Variants in IQCH observed in about 807,000 individuals in gnomAD.
IQCH encodes IQ domain-containing protein H.
IQCH carries 98 observed loss-of-function variants against 117.0 expected under a neutral mutation model. The observed-to-expected ratio is 0.84, with a 90% CI of 0.71 to 0.99. The LOEUF (loss-of-function observed/expected upper bound fraction) is 0.99, where lower values mean the gene tolerates loss of function less well. IQCH is among the 50% of genes least tolerant of loss of function. IQCH has a pLI of 0.00. For synonymous variants in IQCH, 412 were observed against 448.2 expected, an observed-to-expected ratio of 0.92 and a Z score of 1.02; for missense variants, 1,102 against 1,243.8, an observed-to-expected ratio of 0.89 and a Z score of 1.72.
In IQCH at chr15:67,263,945, T is replaced by A. The variant is rs575652779; in HGVS notation, c.269+729T>A. ...GTAGATTAAGCTTTTGTACTAAACT[T>A]AAAAATCCTGTAGCCCTTATTTGTG... On this transcript the variant is annotated intron_variant, in intron 3 of 20. Coordinates refer to ENST00000335894, the MANE Select transcript of IQCH (RefSeq NM_001031715.3). Among the ~76,000 whole-genome samples the A allele has an allele frequency of 2.0e-5, 3 of 152,328 alleles. No homozygotes were observed. In the South Asian group the frequency reaches 6.2e-4, roughly 32 times the overall value.
intron 4 of IQCH, chr15:67,304,520 T>C: frequency 1.3e-6 from 1 of 784,212 alleles, no homozygotes; most frequent in Non-Finnish European, 2.0e-6. Context: ...TTATTAGTAG[T>C]GTAAGATGTA....
At chr15:67,486,449 T>A (rs2083483044) in intron 18 of IQCH, among the ~76,000 whole-genome samples, 1 of 151,936 alleles carries the variant, frequency 6.6e-6, no homozygotes, top group Non-Finnish European at 1.5e-5. Flanking sequence ...AAAAAAAAAA[T>A]CCAATAAATA....
At chr15:67,312,377 C>A (rs1418612014) in intron 4 of IQCH, among the ~76,000 whole-genome samples, 2 of 152,004 alleles carry the variant, frequency 1.3e-5, no homozygotes, top group African/African-American at 4.8e-5. Context: ...ACCAGATTGC[C>A]AAAGGGGTTC....
At chr15:67,320,516 C>A (rs1968066872) in intron 4 of IQCH, among the ~76,000 whole-genome samples, 1 of 152,052 alleles carries the variant, frequency 6.6e-6, no homozygotes, top group Non-Finnish European at 1.5e-5. Flanking sequence ...ATTAAAATTT[C>A]TGTTGGAATG....
In IQCH at chr15:67,388,846, T is replaced by A. The variant is rs1412910781; in HGVS notation, c.1472T>A (p.Val491Asp). 1 of 1,612,942 alleles carries A rather than the reference T, an allele frequency of 6.2e-7. No homozygotes were observed. Among genetic ancestry groups the A allele is most frequent in the Non-Finnish European group, 8.5e-7 (1 of 1,179,218 alleles). ...TTGTTTTTAGATGCCAATGTGAATGTCATCTACATCTGCTCCCATCATATG... is the reference window on the plus strand; with the variant it reads ...TTGTTTTTAGATGCCAATGTGAATGACATCTACATCTGCTCCCATCATATG... ...LCDILDANVNVIYICSHHMND... is the reference protein window; with the variant it reads ...LCDILDANVNDIYICSHHMND... Residue 491 changes from valine to aspartate, a missense_variant, in exon 12 of 21, where the codon GTC becomes GAC. Coordinates refer to ENST00000335894, the MANE Select transcript of IQCH (RefSeq NM_001031715.3). This position sits in a 1 kb window ranked among gnomAD's most constrained non-coding sequence, Gnocchi z 5.5.
At chr15:67,448,335 T>C (rs2082437690) in intron 16 of IQCH, among the ~76,000 whole-genome samples, 1 of 151,668 alleles carries the variant, frequency 6.6e-6, no homozygotes, top group South Asian at 2.1e-4. Flanking sequence ...TAACTCATCA[T>C]TTAGCATTAA....
intron 4 of IQCH, among the ~76,000 whole-genome samples, chr15:67,289,196 AAG>A (rs1279661233): frequency 2.6e-5 from 4 of 152,136 alleles, no homozygotes; most frequent in Admixed American, 2.0e-4. Context: ...ATTAGTGACA[AAG>A]AGAACTATTT....
At chr15:67,350,365 A>G (rs2140710519) in intron 6 of IQCH, among the ~76,000 whole-genome samples, 1 of 152,280 alleles carries the variant, frequency 6.6e-6, no homozygotes, top group South Asian at 2.1e-4. Flanking sequence ...GGATGGGGAG[A>G]GTAGTTGACT....
At chr15:67,308,420 C>G (rs1037442092) in intron 4 of IQCH, among the ~76,000 whole-genome samples, 3 of 152,130 alleles carry the variant, frequency 2.0e-5, no homozygotes, top group Non-Finnish European at 2.9e-5. Context: ...GTCCCCCTCC[C>G]TTTTCCCAGG....
intron 4 of IQCH, among the ~76,000 whole-genome samples, chr15:67,288,808 T>TGTTGAGG (rs1966656081): frequency 6.6e-6 from 1 of 152,082 alleles, no homozygotes; most frequent in African/African-American, 2.4e-5. Flanking sequence ...TTTGAGAATA[T>TGTTGAGG]GTTGAGGGAG....
At position 67,405,307 on chromosome 15, in the gene IQCH, G is replaced by C. The variant is rs558390553; in HGVS notation, c.2097+5002G>C. 6.6e-6 allele frequency: 1 copy of C among 152,058 alleles called. No individual in the cohort carries two copies. The highest frequency in any genetic ancestry group is 6.5e-5 in the Admixed American group (1 of 15,274). 9.4% of individuals were successfully genotyped at this position (152,058 alleles called of 1,614,324 possible). On this transcript the variant is annotated intron_variant, in intron 14 of 20. Transcript: ENST00000335894. The surrounding 1 kb of genome is among the most constrained non-coding windows in gnomAD (Gnocchi z 4.8). ...GTCTTAGATTATCTTTATGTATTTA[G>C]TGGTTGCCAGAACACTGAGATTAAG...
rs373592464 is a variant in IQCH, at chr15:67,327,124, T to G, written c.388-9851T>G. ...TGTAGGAAAGAGAAGTATAATTCAATTTATAATTTAGGTATATTGTATTAG... is the reference window on the plus strand; with the variant it reads ...TGTAGGAAAGAGAAGTATAATTCAAGTTATAATTTAGGTATATTGTATTAG... On this transcript the variant is annotated intron_variant, in intron 4 of 20. Transcript: ENST00000335894. 3.5e-4 allele frequency among the ~76,000 whole-genome samples: 54 copies of G among 152,350 alleles called. No homozygotes were observed. The East Asian group carries it at 8.1e-3, about 23-fold the overall frequency.
intron 1 of IQCH, among the ~76,000 whole-genome samples, chr15:67,255,558 G>A (rs1405178454): frequency 1.3e-5 from 2 of 152,218 alleles, no homozygotes; most frequent in Non-Finnish European, 2.9e-5. Flanking sequence ...AGATGTTTCT[G>A]AAATGATCAT....
Position 67,458,771 on chromosome 15 carries a change from T to C in IQCH, c.2506-6356T>C, listed in dbSNP as rs902849363. On this transcript the variant is annotated intron_variant, in intron 16 of 20. Transcript: ENST00000335894. This position sits in a 1 kb window ranked among gnomAD's most constrained non-coding sequence, Gnocchi z 4.1. The stretch of plus-strand genomic sequence containing the variant: ...TCCAATGCTGGATTTTCTGTCGAAC[T>C]GGGGCTGTGAATGCTGTGAACATGG... Among the ~76,000 whole-genome samples, 3 of 152,218 alleles carry C rather than the reference T, an allele frequency of 2.0e-5. No individual in the cohort carries two copies. The highest frequency in any genetic ancestry group is 2.0e-4 in the Admixed American group (3 of 15,284).
In IQCH at chr15:67,407,674, C is replaced by T. The variant is rs1971961646; in HGVS notation, c.2097+7369C>T. 6.6e-6 allele frequency: 1 copy of T among 152,076 alleles called. No homozygotes were observed. The highest frequency in any genetic ancestry group is 1.5e-5 in the Non-Finnish European group (1 of 68,032). 9.4% of individuals were successfully genotyped at this position (152,076 alleles called of 1,614,324 possible). A position where few individuals can be genotyped will look rare whatever the true frequency, so the allele number is the denominator to read the frequency against. On this transcript the variant is annotated intron_variant, in intron 14 of 20. Coordinates refer to ENST00000335894, the MANE Select transcript of IQCH (RefSeq NM_001031715.3). This position sits in a 1 kb window ranked among gnomAD's most constrained non-coding sequence, Gnocchi z 5.3. ...AATTTTTAATATGCTTACAAAGTAC[C>T]CTTTGATTTTCTGTCACACGTTAAT... is the stretch of plus-strand genomic sequence containing the variant.
At chr15:67,329,154 C>T (rs2140631740) in intron 4 of IQCH, among the ~76,000 whole-genome samples, 1 of 152,062 alleles carries the variant, frequency 6.6e-6, no homozygotes, top group African/African-American at 2.4e-5. Context: ...CAAAAATTAC[C>T]CAGGCCTGGT....
chr15:67,316,812 G>A (rs1379368433), intron 4 of IQCH, among the ~76,000 whole-genome samples: 4 of 152,156 alleles, frequency 2.6e-5, no homozygotes, highest in Non-Finnish European at 4.4e-5. Context: ...GACTTTCAAC[G>A]TAGCATTCTT....
chr15:67,390,505 T>C lies in IQCH; in HGVS notation c.1632+1499T>C, dbSNP rs755876109. Among the ~76,000 whole-genome samples, 1 of 152,150 alleles carries C rather than the reference T, an allele frequency of 6.6e-6. No individual in the cohort carries two copies. Among genetic ancestry groups the C allele is most frequent in the African/African-American group, 2.4e-5 (1 of 41,436 alleles). ...ATACAGTTTCTTTTTTTCTTTTTTT[T>C]TGAGACAGAGTCTCACTCTGTTGCC... On this transcript the variant is annotated intron_variant, in intron 12 of 20. Transcript: ENST00000335894. The surrounding 1 kb of genome is among the most constrained non-coding windows in gnomAD (Gnocchi z 5.0).
intron 10 of IQCH, among the ~76,000 whole-genome samples, chr15:67,374,568 C>A (rs1970674589): frequency 6.6e-6 from 1 of 152,082 alleles, no homozygotes; most frequent in African/African-American, 2.4e-5. Context: ...CTTTTCTAGA[C>A]TCTGGAGTAC....
Sources: allele counts gnomAD v4.1 joint callset (sites outside exome capture counted in the v4.1 genomes callset), GRCh38; gene constraint gnomAD v4.1.1; non-coding constraint Gnocchi (gnomAD v3.1); transcripts MANE v1.5; gene names NCBI Gene and HGNC (gene_info 2026-07-23, HGNC 2026-07-21).